Variants in SAP18 observed in about 807,000 individuals in gnomAD.
SAP18 encodes Sin3A associated protein 18.
A neutral mutation model predicts 18.6 loss-of-function variants in SAP18; 4 were observed. The observed-to-expected ratio is 0.21, with a 90% confidence interval of 0.11 to 0.49. SAP18 has a LOEUF of 0.49. Ranked by LOEUF, SAP18 falls within the 20% of genes least tolerant of loss-of-function variation. The probability of loss-of-function intolerance (pLI) is 0.98; values close to 1 mark genes in which losing one functional copy is unlikely to be tolerated. For missense variants in SAP18, 170 were observed against 226.4 expected (o/e 0.75, Z 1.60); for synonymous variants, 112 against 82.8 (o/e 1.35, Z -1.92).
chr13:21,140,764 AGGAGATGGTGTTTTTGGTCTCGG>A, intron 1 of SAP18, 83 bp downstream of exon 1: 1 of 1,593,558 alleles, frequency 6.3e-7, no homozygotes, highest in Non-Finnish European at 8.6e-7. Flanking sequence ...TGTGTGCTGG[AGGAGATGGTGTTTTTGGTCTCGG>A]GGAGGCTCGG....
chr13:21,142,506 T>C (rs1343753747), intron 2 of SAP18, among the ~76,000 whole-genome samples: 4 of 151,738 alleles, frequency 2.6e-5, no homozygotes, highest in Admixed American at 1.3e-4. Flanking sequence ...TTTGTATTTT[T>C]AGTAGAGACA....
At chr13:21,147,306 G>A (rs1209064231) in exon 4 of SAP18, 1 of 1,613,608 alleles carries the variant, frequency 6.2e-7, no homozygotes, top group Non-Finnish European at 8.5e-7. Context: ...CTCCAAATCG[G>A]GCACCACCTC....
chr13:21,144,008 T>C (rs1869555614), intron 2 of SAP18, among the ~76,000 whole-genome samples: 2 of 152,118 alleles, frequency 1.3e-5, no homozygotes, highest in African/African-American at 4.8e-5. Flanking sequence ...AGAGAAGTTA[T>C]GGAAACAGGA....
intron 2 of SAP18, among the ~76,000 whole-genome samples, chr13:21,143,742 GA>G (rs1015835177): frequency 1.3e-5 from 2 of 151,476 alleles, no homozygotes; most frequent in Non-Finnish European, 2.9e-5. Context: ...TCTGAATCAA[GA>G]AAAAAAATTA....
chr13:21,145,705 G>A (rs1045677664), intron 2 of SAP18, among the ~76,000 whole-genome samples: 1 of 152,192 alleles, frequency 6.6e-6, no homozygotes, highest in Non-Finnish European at 1.5e-5. Flanking sequence ...TAGAAACGGG[G>A]TTTCACCATG....
exon 1 of SAP18, chr13:21,140,662 A>G: frequency 6.2e-7 from 1 of 1,612,586 alleles, no homozygotes; most frequent in Non-Finnish European, 8.5e-7. Context: ...GAGCCAGAGA[A>G]ACCGATCGAC....
rs1183036675 is a variant in SAP18 at position 21,140,778 on chromosome 13, T to A, written c.129+97T>A. The A allele has an allele frequency of 1.9e-6, 3 of 1,593,688 alleles. No individual in the cohort carries two copies. The Admixed American group carries it at 5.2e-5, about 28-fold the overall frequency. On this transcript the variant is annotated intron_variant, in intron 1 of 3. Transcript: ENST00000621421. ...CTGTGTGCTGGAGGAGATGGTGTTT[T>A]TGGTCTCGGGGAGGCTCGGAGGCCG...
Position 21,141,016 on chromosome 13 carries a change from T to C in SAP18, c.239+21T>C, listed in dbSNP as rs766164072. ...ACTTGGTGAGGAGGGCGGGGTGGCC[T>C]CAGGGACCCGGGCCGGGAACCTGGA... is the stretch of plus-strand genomic sequence containing the variant. On this transcript the variant is annotated intron_variant, in intron 2 of 3. Coordinates refer to ENST00000621421, the Ensembl canonical transcript of SAP18. The C allele has an allele frequency of 1.2e-5, 19 of 1,520,406 alleles. No homozygotes were observed. The African/African-American group carries it at 2.2e-4, about 18-fold the overall frequency. The allele number at this position is 1,520,406 out of a possible 1,614,324, so 94.2% of individuals were successfully genotyped here.
chr13:21,141,380 T>C (rs933365278), intron 2 of SAP18: 19 of 222,890 alleles, frequency 8.5e-5, no homozygotes, highest in African/African-American at 3.7e-4. Context: ...GAGTGGTATT[T>C]GTTATTCTCA....
upstream of SAP18, chr13:21,140,494 G>T: frequency 1.3e-6 from 2 of 1,519,716 alleles, no homozygotes; most frequent in Non-Finnish European, 1.8e-6. Context: ...GAGACGCCCC[G>T]CCCAGCCCCT....
intron 2 of SAP18, among the ~76,000 whole-genome samples, chr13:21,145,386 C>T (rs975907186): frequency 1.3e-5 from 2 of 152,104 alleles, no homozygotes; most frequent in Non-Finnish European, 2.9e-5. Context: ...AAACCTAAAA[C>T]GCTTCTAGTC....
rs542332881 is a variant in SAP18, at chr13:21,145,863, A to G, written c.240-942A>G. On this transcript the variant is annotated intron_variant, in intron 2 of 3. Coordinates refer to ENST00000621421, the Ensembl canonical transcript of SAP18. ...ATTTCTAAGATGCTTATATGTTAAA[A>G]TATTTTTTTCAGATTGTTCTCTTAT... is the stretch of plus-strand genomic sequence containing the variant. Among the ~76,000 whole-genome samples, 107 of 152,336 alleles carry G rather than the reference A, an allele frequency of 7.0e-4. 1 individual carries two copies. Among genetic ancestry groups the G allele is most frequent in the African/African-American group, 2.5e-3 (105 of 41,584 alleles).
intron 2 of SAP18, among the ~76,000 whole-genome samples, chr13:21,145,645 A>G (rs1047094869): frequency 1.3e-5 from 2 of 152,150 alleles, no homozygotes; most frequent in Non-Finnish European, 2.9e-5. Context: ...AGCTGGGATT[A>G]TAGGCTACAG....
chr13:21,140,666 G>A (rs376020479), exon 1 of SAP18: 40 of 1,611,954 alleles, frequency 2.5e-5, no homozygotes, highest in Non-Finnish European at 2.8e-5. Context: ...CAGAGAAACC[G>A]ATCGACCGCG....
At chr13:21,144,172 C>T (rs966621376) in intron 2 of SAP18, among the ~76,000 whole-genome samples, 17 of 151,918 alleles carry the variant, frequency 1.1e-4, no homozygotes, top group African/African-American at 3.4e-4. Flanking sequence ...TTTGGGAGGC[C>T]GAGGTGGGCG....
chr13:21,147,000 C>T, intron 3 of SAP18, 73 bp downstream of exon 3: 2 of 1,494,568 alleles, frequency 1.3e-6, no homozygotes, highest in African/African-American at 1.4e-5. Flanking sequence ...CAGATAACTC[C>T]TTCAATGAAT....
chr13:21,142,927 C>A (rs1032712423), intron 2 of SAP18, among the ~76,000 whole-genome samples: 1 of 152,180 alleles, frequency 6.6e-6, no homozygotes, highest in African/African-American at 2.4e-5. Context: ...CCCCTGGTAG[C>A]CTCTAATGTA....
chr13:21,140,508 CG>C, upstream of SAP18: 1 of 1,540,942 alleles, frequency 6.5e-7, no homozygotes, highest in Non-Finnish European at 8.8e-7. Context: ...AGCCCCTGGC[CG>C]ACTATAAAGT....
At chr13:21,145,758 A>G (rs1279639326) in intron 2 of SAP18, among the ~76,000 whole-genome samples, 1 of 152,156 alleles carries the variant, frequency 6.6e-6, no homozygotes, top group Admixed American at 6.6e-5. Flanking sequence ...GCCTCAGGTG[A>G]TCCACCCGCC....
Sources: gnomAD v4.1 joint callset for allele counts (sites outside exome capture counted in the v4.1 genomes callset) on GRCh38, gnomAD v4.1.1 for gene constraint, MANE v1.5 for transcripts, NCBI Gene and HGNC (gene_info 2026-07-23, HGNC 2026-07-21) for gene names.